CLVS1: variants seen among roughly 807,000 people sequenced by gnomAD.
The protein encoded by CLVS1 is clavesin-1.
Under a neutral mutation model 33.1 loss-of-function variants are expected in CLVS1, and 10 were observed. The ratio of observed to expected loss-of-function variants is 0.30; its 90% CI spans 0.19 to 0.51. CLVS1 has a LOEUF of 0.51. CLVS1 is among the 20% of genes least tolerant of loss of function. CLVS1 has a pLI of 0.97. For missense variants in CLVS1, 343 were observed against 433.4 expected, an observed-to-expected ratio of 0.79 and a Z score of 1.85; for synonymous variants, 163 against 166.1, an observed-to-expected ratio of 0.98 and a Z score of 0.14.
At chr8:61,266,851 T>C (rs2129592474) in intron 2 of CLVS1, among the ~76,000 whole-genome samples, 1 of 152,374 alleles carries the variant, frequency 6.6e-6, no homozygotes. Context: ...ATATTTGTTA[T>C]GGACTAAAAA....
chr8:61,009,520 C>T, the CLVS1 span, among the ~76,000 whole-genome samples: 16,020 of 123,072 alleles, frequency 0.13, 1,370 homozygotes, highest in East Asian at 0.45. Flanking sequence ...TATATACTTG[C>T]TTATTAATGA....
At chr8:61,030,229 G>C in the CLVS1 span, among the ~76,000 whole-genome samples, 1 of 150,178 alleles carries the variant, frequency 6.7e-6, no homozygotes, top group Admixed American at 6.7e-5. Flanking sequence ...AATAATTTTA[G>C]TGTTAAACAG....
chr8:61,160,609 T>C (rs1220243248), intron 2 of CLVS1, among the ~76,000 whole-genome samples: 1 of 136,000 alleles, frequency 7.4e-6, no homozygotes, highest in Non-Finnish European at 1.8e-5. Context: ...AATTACCTCT[T>C]CTTGTTAAGA....
chr8:60,998,712 T>C, the CLVS1 span, among the ~76,000 whole-genome samples: 1 of 152,192 alleles, frequency 6.6e-6, no homozygotes, highest in South Asian at 2.1e-4. Context: ...AAAGTCTCAA[T>C]TTAAAAAGGA....
chr8:61,471,163 T>C (rs1267640893), intron 5 of CLVS1, among the ~76,000 whole-genome samples: 2 of 152,236 alleles, frequency 1.3e-5, no homozygotes, highest in Admixed American at 6.5e-5. Context: ...TTATAATACC[T>C]TGGGCAGGCC....
At chr8:61,369,888 C>G (rs1726790192) in intron 2 of CLVS1, among the ~76,000 whole-genome samples, 3 of 152,122 alleles carry the variant, frequency 2.0e-5, no homozygotes, top group African/African-American at 7.2e-5. Context: ...AGCACATTTG[C>G]CTCTCCACCT....
chr8:61,088,086 A>T (rs987533506), intron 1 of CLVS1, among the ~76,000 whole-genome samples: 1 of 152,216 alleles, frequency 6.6e-6, no homozygotes, highest in Admixed American at 6.5e-5. Context: ...AACTATATGT[A>T]TGCATTTTTC....
At chr8:61,099,969 A>C (rs536079594) in intron 1 of CLVS1, among the ~76,000 whole-genome samples, 19 of 152,222 alleles carry the variant, frequency 1.2e-4, no homozygotes, top group Non-Finnish European at 2.2e-4. Context: ...CAAAGAAAAG[A>C]GGGTGATAAA....
intron 1 of CLVS1, 46 bp downstream of exon 1, chr8:61,288,184 C>T (rs1057089500): frequency 2.2e-6 from 1 of 456,320 alleles, no homozygotes; most frequent in Non-Finnish European, 4.4e-6. Flanking sequence ...CGAGCCTCCC[C>T]GCCTTTCCCC....
intron 2 of CLVS1, among the ~76,000 whole-genome samples, chr8:61,366,997 C>A (rs150742315): frequency 4.4e-4 from 67 of 152,282 alleles, no homozygotes; most frequent in African/African-American, 1.3e-3. Context: ...TCACCTCCTA[C>A]CTGACTTAGT....
intron 4 of CLVS1, among the ~76,000 whole-genome samples, chr8:61,456,358 C>T (rs1563560974): frequency 6.6e-6 from 1 of 152,140 alleles, no homozygotes; most frequent in African/African-American, 2.4e-5. Flanking sequence ...CATATACAAA[C>T]CCTCTGAAAA....
In CLVS1 at chr8:61,299,822, A is replaced by T. The variant is rs1159040762; in HGVS notation, c.-6A>T. ...TGGGCCACAGTTTCAGCAGACCATC[A>T]GGTGAATGGGACCAGTCTCTCTTCT... On this transcript the variant is annotated 5_prime_UTR_variant, in exon 2 of 6. Coordinates refer to ENST00000325897, the MANE Select transcript of CLVS1 (RefSeq NM_173519.3). 1 of 1,598,182 alleles carries T rather than the reference A, an allele frequency of 6.3e-7. No individual in the cohort carries two copies. Among genetic ancestry groups the T allele is most frequent in the African/African-American group, 1.3e-5 (1 of 74,452 alleles).
intron 3 of CLVS1, among the ~76,000 whole-genome samples, chr8:61,421,264 C>A (rs184447664): frequency 2.6e-5 from 4 of 152,310 alleles, no homozygotes; most frequent in Admixed American, 2.6e-4. Flanking sequence ...TGTACCACCA[C>A]AAGCATCACT....
At chr8:61,025,698 G>A in the CLVS1 span, among the ~76,000 whole-genome samples, 374 of 152,302 alleles carry the variant, frequency 2.5e-3, 3 homozygotes, top group African/African-American at 8.8e-3. Flanking sequence ...ATTTGTCATA[G>A]TGTGGATCAA....
chr8:61,310,135 G>T (rs146608326), intron 2 of CLVS1, among the ~76,000 whole-genome samples: 5 of 152,184 alleles, frequency 3.3e-5, no homozygotes, highest in African/African-American at 9.6e-5. Flanking sequence ...CCCAAGAAAA[G>T]GTTTAACTGT....
At chr8:61,130,459 A>G (rs917947699) in intron 1 of CLVS1, among the ~76,000 whole-genome samples, 7 of 152,110 alleles carry the variant, frequency 4.6e-5, no homozygotes, top group African/African-American at 1.2e-4. Context: ...GAATGGATAT[A>G]TAACGAATTA....
upstream of CLVS1, among the ~76,000 whole-genome samples, chr8:61,052,232 G>A (rs1322407685): frequency 6.6e-6 from 1 of 152,216 alleles, no homozygotes; most frequent in Non-Finnish European, 1.5e-5. Context: ...TCCCCCTGTG[G>A]CACCCAGTGC....
intron 2 of CLVS1, among the ~76,000 whole-genome samples, chr8:61,278,535 A>G (rs983025887): frequency 3.9e-5 from 6 of 152,162 alleles, no homozygotes; most frequent in African/African-American, 1.4e-4. Context: ...TATAACTTGG[A>G]GGTGTTGGAC....
intron 5 of CLVS1, among the ~76,000 whole-genome samples, chr8:61,473,936 A>G (rs1279927050): frequency 1.3e-5 from 2 of 152,164 alleles, no homozygotes; most frequent in Admixed American, 6.5e-5. Context: ...TAGAGTAGTC[A>G]TGTAGGCTGT....
Sources: gnomAD v4.1 joint callset for allele counts (sites outside exome capture counted in the v4.1 genomes callset) on GRCh38, gnomAD v4.1.1 for gene constraint, MANE v1.5 for transcripts, NCBI Gene and HGNC (gene_info 2026-07-23, HGNC 2026-07-21) for gene names.